The following KY variants were observed in gnomAD, a reference collection of about 807,000 sequenced individuals.
KY encodes kyphoscoliosis peptidase.
A neutral mutation model predicts 76.1 loss-of-function variants in KY; 43 were observed. The ratio of observed to expected loss-of-function variants is 0.57; its 90% CI spans 0.44 to 0.73. KY has a LOEUF of 0.73. KY is among the 30% of genes least tolerant of loss of function. The pLI, the probability that KY is intolerant of heterozygous loss-of-function variation, is 0.00. For missense variants in KY, 722 were observed against 828.9 expected (o/e 0.87, Z 1.58); for synonymous variants, 277 against 326.2 (o/e 0.85, Z 1.63).
intron 4 of KY, among the ~76,000 whole-genome samples, chr3:134,628,963 G>C (rs974831374): frequency 9.8e-5 from 15 of 152,332 alleles, no homozygotes; most frequent in Admixed American, 7.2e-4. Flanking sequence ...GAGGACTTGA[G>C]CCTCAGTTGT....
In KY at chr3:134,610,324, G is replaced by T; in HGVS notation, c.770C>A (p.Thr257Lys). ...PGYSKGFGYQ[T>K]GQSFSGEFDH... ...AAACTCCCCCGAGAAGCTCTGCCCT[G>T]TCTGGTAGCCGAAACCCTTGGAGTA... The change falls in exon 9 of 11, where the codon ACA becomes AAA. Residue 257 changes from threonine (T) to lysine (K), a missense_variant. By Grantham distance (78) the Thr-to-Lys change is moderately conservative. Transcript: ENST00000423778. The T allele has an allele frequency of 6.2e-7, 1 of 1,613,828 alleles. No homozygotes were observed. The highest frequency in any genetic ancestry group is 8.5e-7 in the Non-Finnish European group (1 of 1,179,856).
chr3:134,644,174 C>A (rs1966148370), intron 2 of KY, among the ~76,000 whole-genome samples: 1 of 152,216 alleles, frequency 6.6e-6, no homozygotes. Context: ...CTGCCTCCTA[C>A]CCCAGCCTAG....
At chr3:134,610,600 G>C in intron 8 of KY, 1 of 517,696 alleles carries the variant, frequency 1.9e-6, no homozygotes, top group Non-Finnish European at 3.4e-6. Flanking sequence ...TGTTGGTACA[G>C]ACTGGCTGCA....
chr3:134,650,802 G>A, intron 1 of KY, 23 bp downstream of exon 1: 1 of 1,550,894 alleles, frequency 6.4e-7, no homozygotes, highest in African/African-American at 1.4e-5. Flanking sequence ...GGGACCCGGG[G>A]ACCCGGGTCG....
At chr3:134,619,324 C>A in intron 7 of KY, 59 bp from the exon 8 acceptor site, 1 of 1,267,366 alleles carries the variant, frequency 7.9e-7, no homozygotes, top group South Asian at 1.2e-5. Flanking sequence ...GAAGACTCCA[C>A]CCCAACCCCC....
intron 3 of KY, among the ~76,000 whole-genome samples, chr3:134,638,961 G>C (rs1233106514): frequency 6.6e-6 from 1 of 152,066 alleles, no homozygotes; most frequent in Non-Finnish European, 1.5e-5. Flanking sequence ...TGTGTGGAGG[G>C]GTCATGGGAT....
At chr3:134,615,482 T>A (rs1436618455) in intron 8 of KY, 2 of 151,816 alleles carry the variant, frequency 1.3e-5, no homozygotes, top group Non-Finnish European at 2.9e-5. Flanking sequence ...TTATTTTATT[T>A]TTGTTATTAT....
intron 4 of KY, 196 bp downstream of exon 4, chr3:134,629,425 C>A (rs1577718422): frequency 3.6e-6 from 2 of 556,750 alleles, no homozygotes; most frequent in Non-Finnish European, 6.5e-6. Flanking sequence ...TCCAGAGATG[C>A]AAAATCAGCG....
rs1297886421 is a variant in KY, at chr3:134,600,966, T to TGATA, written c.*2609_*2612dup. Reference sequence around the variant, plus strand: ...TTTCAAGTTCTGCGAAAAAGCCCGGTGATAGATCAGCCTCGCGGTGTGCAG... The same window carrying TGATA: ...TTTCAAGTTCTGCGAAAAAGCCCGGTGATAGATAGATCAGCCTCGCGGTGTGCAG... On this transcript the variant is annotated 3_prime_UTR_variant, in exon 11 of 11. Transcript: ENST00000423778. 6.6e-6 allele frequency: 1 copy of TGATA among 152,174 alleles called. No individual in the cohort carries two copies. Among genetic ancestry groups the TGATA allele is most frequent in the African/African-American group, 2.4e-5 (1 of 41,436 alleles). The allele number at this position is 152,174 out of a possible 1,614,324, so 9.4% of individuals were successfully genotyped here.
In KY at chr3:134,600,948, T is replaced by G. The variant is rs1358988230; in HGVS notation, c.*2631A>C. ...TAAACATTTCCACAGCATTTTCAAG[T>G]TCTGCGAAAAAGCCCGGTGATAGAT... is the stretch of plus-strand genomic sequence containing the variant. On this transcript the variant is annotated 3_prime_UTR_variant, in exon 11 of 11. Transcript: ENST00000423778. 6.6e-6 allele frequency: 1 copy of G among 152,142 alleles called. No homozygotes were observed. The highest frequency in any genetic ancestry group is 1.5e-5 in the Non-Finnish European group (1 of 68,032). 9.4% of individuals were successfully genotyped at this position (152,142 alleles called of 1,614,324 possible). A position where few individuals can be genotyped will look rare whatever the true frequency, so the allele number is the denominator to read the frequency against.
chr3:134,647,527 G>A (rs781743599), intron 1 of KY, 30 bp from the exon 2 acceptor site: 3 of 1,417,754 alleles, frequency 2.1e-6, no homozygotes, highest in Non-Finnish European at 2.0e-6. Flanking sequence ...TCTGAGGTGG[G>A]AGACTCAGGG....
At chr3:134,627,641 T>C (rs1577709499) in intron 5 of KY, 115 bp downstream of exon 5, 4 of 844,862 alleles carry the variant, frequency 4.7e-6, no homozygotes, top group Admixed American at 2.1e-5. Context: ...AACCCAAAGG[T>C]GGCCCCAGCC....
rs766638353 is a variant in KY at position 134,608,811 on chromosome 3, G to T, written c.928C>A (p.Pro310Thr). 4 of 1,612,780 alleles carry T rather than the reference G, an allele frequency of 2.5e-6. No homozygotes were observed. Among genetic ancestry groups the T allele is most frequent in the Non-Finnish European group, 3.4e-6 (4 of 1,178,974 alleles). Residue 310 changes from proline to threonine, a missense_variant, in exon 10 of 11, where the codon CCT becomes ACT. This residue lies in a region of KY where 552 missense variants were observed against 680.9 expected (regional missense o/e 0.81). Transcript: ENST00000423778. ...LYNEFYFLTH[P>T]ALFIEDHFPD... Reference sequence around the variant, plus strand: ...AAGTGGTCCTCGATGAACAGTGCAGGGTGGGTGAGGAAGTAGAACTCATTG... The same window carrying T: ...AAGTGGTCCTCGATGAACAGTGCAGTGTGGGTGAGGAAGTAGAACTCATTG...
Position 134,620,805 on chromosome 3 carries a change from G to T in KY, c.536C>A (p.Ala179Asp), listed in dbSNP as rs769575498. The T allele has an allele frequency of 6.2e-7, 1 of 1,613,560 alleles. No individual in the cohort carries two copies. The highest frequency in any genetic ancestry group is 8.5e-7 in the Non-Finnish European group (1 of 1,179,724). ...DELVSDLLQE[A>D]HTDLERVRAI... ...GCGGACCCTTTCCAGGTCAGTGTGG[G>T]CCTCCTGGAGCAGGTCACTCACCAG... The change falls in exon 7 of 11, where the codon GCC (alanine) becomes GAC (aspartate). Residue 179 changes from alanine (A) to aspartate (D), a missense_variant. By Grantham distance (126) the Ala-to-Asp change is moderately radical (BLOSUM62 -2). This residue lies in a region of KY where 552 missense variants were observed against 680.9 expected (regional missense o/e 0.81). Transcript: ENST00000423778.
At chr3:134,620,549 A>G (rs1577671251) in intron 7 of KY, among the ~76,000 whole-genome samples, 200 bp downstream of exon 7, 1 of 152,312 alleles carries the variant, frequency 6.6e-6, no homozygotes, top group East Asian at 1.9e-4. Flanking sequence ...TTCTCCTCCA[A>G]CTAACTTTCA....
At chr3:134,608,541 C>T (rs780386061) in intron 10 of KY, 108 bp downstream of exon 10, 6 of 1,602,794 alleles carry the variant, frequency 3.7e-6, no homozygotes, top group Admixed American at 1.7e-5. Flanking sequence ...ACAAGCCATG[C>T]GTCTGGAAGG....
intron 8 of KY, chr3:134,612,979 A>C (rs1960806749): frequency 6.5e-6 from 1 of 153,538 alleles, no homozygotes; most frequent in Admixed American, 6.5e-5. Flanking sequence ...AAAGCCATAA[A>C]TACTACTTAA....
At chr3:134,625,402 T>C (rs1182645992) in intron 5 of KY, among the ~76,000 whole-genome samples, 3 of 152,238 alleles carry the variant, frequency 2.0e-5, no homozygotes, top group African/African-American at 7.2e-5. Context: ...AAGTCAGAAG[T>C]AGGAAACGGG....
At chr3:134,607,851 A>T (rs1206822000) in intron 10 of KY, 1 of 987,834 alleles carries the variant, frequency 1.0e-6, no homozygotes, top group Non-Finnish European at 1.2e-6. Context: ...CGCCTCCAGA[A>T]GGGAGGGGTA....
Sources: gnomAD v4.1 joint callset for allele counts (sites outside exome capture counted in the v4.1 genomes callset) on GRCh38, gnomAD v4.1.1 for gene constraint, gnomAD v4.1.1 regional missense constraint, MANE v1.5 for transcripts, NCBI Gene and HGNC (gene_info 2026-07-23, HGNC 2026-07-21) for gene names.